SP2: variants seen among roughly 807,000 people sequenced by gnomAD.
The protein encoded by SP2 is transcription factor Sp2.
SP2 carries 9 observed loss-of-function variants against 50.1 expected under a neutral mutation model. The observed-to-expected ratio is 0.18, with a 90% confidence interval of 0.11 to 0.31. The LOEUF is 0.31. SP2 is among the 10% of genes least tolerant of loss of function. The pLI is 1.00. For missense variants in SP2, 581 were observed against 806.5 expected, an observed-to-expected ratio of 0.72 and a Z score of 3.39; for synonymous variants, 313 against 326.6, an observed-to-expected ratio of 0.96 and a Z score of 0.45.
At chr17:47,900,148 G>T (rs1311619993) in intron 1 of SP2, 1 of 152,240 alleles carries the variant, frequency 6.6e-6, no homozygotes, top group Non-Finnish European at 1.5e-5. Context: ...CTCATTCACA[G>T]AGTAAAAATG....
chr17:47,901,970 A>G lies in SP2; in HGVS notation c.7+5677A>G, dbSNP rs536225365. 3.9e-5 allele frequency among the ~76,000 whole-genome samples: 6 copies of G among 152,318 alleles called. No homozygotes were observed. The South Asian group carries it at 1.2e-3, about 32-fold the overall frequency. On this transcript the variant is annotated intron_variant, in intron 1 of 6. Coordinates refer to ENST00000376741, the MANE Select transcript of SP2 (RefSeq NM_003110.6). Reference sequence around the variant, plus strand: ...GAAGCTTACATCTTAGTGGGAGACAATTAATAACTAATAGATATTTGTTAG... The same window carrying G: ...GAAGCTTACATCTTAGTGGGAGACAGTTAATAACTAATAGATATTTGTTAG...
chr17:47,924,479 C>T (rs1207330100), intron 4 of SP2, among the ~76,000 whole-genome samples: 1 of 152,196 alleles, frequency 6.6e-6, no homozygotes, highest in African/African-American at 2.4e-5. Context: ...TTCCTAAAAG[C>T]AGAGTTGGTA....
At chr17:47,921,493 C>T (rs1342795558) in intron 3 of SP2, among the ~76,000 whole-genome samples, 1 of 152,166 alleles carries the variant, frequency 6.6e-6, no homozygotes, top group African/African-American at 2.4e-5. Context: ...CTCAAGTGAT[C>T]CGCCTGCCTT....
chr17:47,897,908 A>G (rs948206060), intron 1 of SP2: 1 of 979,394 alleles, frequency 1.0e-6, no homozygotes, highest in South Asian at 4.7e-5. Flanking sequence ...GAAATGGATT[A>G]TCATTGGCTG....
chr17:47,928,990 T>C, downstream of SP2: 1 of 152,630 alleles, frequency 6.6e-6, no homozygotes, highest in East Asian at 1.9e-4. Context: ...TCTTTTCCCT[T>C]GGAGAGCTCG....
intron 1 of SP2, among the ~76,000 whole-genome samples, chr17:47,902,255 TA>T (rs1296735470): frequency 6.6e-6 from 1 of 152,138 alleles, no homozygotes; most frequent in Non-Finnish European, 1.5e-5. Context: ...CCAGCATGGC[TA>T]AAGCAGTGAG....
At chr17:47,899,526 T>A (rs552634849) in intron 1 of SP2, 1 of 152,164 alleles carries the variant, frequency 6.6e-6, no homozygotes, top group African/African-American at 2.4e-5. Flanking sequence ...TGTCAGGCCA[T>A]GTAGGAAAGG....
intron 1 of SP2, among the ~76,000 whole-genome samples, chr17:47,908,863 A>T (rs1363753199): frequency 2.0e-5 from 3 of 152,054 alleles, no homozygotes; most frequent in Non-Finnish European, 4.4e-5. Context: ...CCATGAATAA[A>T]AATCTTAAAG....
At chr17:47,910,470 G>A (rs930942027) in intron 1 of SP2, among the ~76,000 whole-genome samples, 6 of 152,096 alleles carry the variant, frequency 3.9e-5, no homozygotes, top group Non-Finnish European at 8.8e-5. Flanking sequence ...AAATGGTTTG[G>A]GTTGGCTTAG....
chr17:47,927,707 G>C lies in SP2; in HGVS notation c.1742-17G>C. 1.9e-6 allele frequency: 3 copies of C among 1,540,554 alleles called. No homozygotes were observed. Among genetic ancestry groups the C allele is most frequent in the Non-Finnish European group, 2.6e-6 (3 of 1,132,336 alleles). ...TGTGCACAGGGTCTGTGGGTGATGGGCATCTCCTCTTCCCAGGGGACAAAC... is the reference window on the plus strand; with the variant it reads ...TGTGCACAGGGTCTGTGGGTGATGGCCATCTCCTCTTCCCAGGGGACAAAC... On this transcript the variant is annotated splice_polypyrimidine_tract_variant and intron_variant, in intron 6 of 6. Coordinates refer to ENST00000376741, the MANE Select transcript of SP2 (RefSeq NM_003110.6).
chr17:47,913,999 T>C (rs1395869002), intron 1 of SP2, among the ~76,000 whole-genome samples: 2 of 152,248 alleles, frequency 1.3e-5, no homozygotes, highest in African/African-American at 4.8e-5. Context: ...CAGTTAGTCA[T>C]TAGCTCTACT....
intron 6 of SP2, among the ~76,000 whole-genome samples, chr17:47,926,024 C>T (rs1030212203): frequency 6.9e-6 from 1 of 144,974 alleles, no homozygotes; most frequent in Admixed American, 7.2e-5. Context: ...TCAAGCAATT[C>T]TCCTGCCTCA....
At chr17:47,927,572 C>T in intron 6 of SP2, 152 bp from the exon 7 acceptor site, 1 of 530,248 alleles carries the variant, frequency 1.9e-6, no homozygotes, top group Non-Finnish European at 3.4e-6. Context: ...GAGTAAGCAC[C>T]AGTGAGCAAA....
chr17:47,927,765 A>T lies in SP2; in HGVS notation c.1783A>T (p.Met595Leu). Residue 595 changes from methionine to leucine, a missense_variant, in exon 7 of 7, where the codon ATG becomes TTG. By Grantham distance (15) the Met-to-Leu change is conservative. Transcript: ENST00000376741. Reference protein sequence around the residue: ...FECAQCQKRFMRSDHLTKHYK... With the variant: ...FECAQCQKRFLRSDHLTKHYK... ...GTGCGCCCAGTGTCAGAAGCGCTTC[A>T]TGAGGAGTGACCACCTCACCAAGCA... The T allele has an allele frequency of 1.3e-6, 2 of 1,598,718 alleles. No homozygotes were observed. The highest frequency in any genetic ancestry group is 1.7e-6 in the Non-Finnish European group (2 of 1,172,436).
intron 1 of SP2, among the ~76,000 whole-genome samples, chr17:47,912,442 C>CTTT (rs536634603): frequency 3.8e-4 from 53 of 140,190 alleles, no homozygotes; most frequent in African/African-American, 1.3e-3. Flanking sequence ...TCCACTTCAC[C>CTTT]TTTTTTTTTT....
In SP2 at chr17:47,918,817, C is replaced by G. The variant is rs573725617; in HGVS notation, c.1059+1687C>G. On this transcript the variant is annotated intron_variant, in intron 3 of 6. Transcript: ENST00000376741. The stretch of plus-strand genomic sequence containing the variant: ...TGCAGTCTGTGACCAACTTTGAAGC[C>G]AAATCTAGCCCACCTGCCTGTTTTT... 2.0e-5 allele frequency among the ~76,000 whole-genome samples: 3 copies of G among 152,226 alleles called. No homozygotes were observed. In the East Asian group the frequency reaches 5.8e-4, roughly 29 times the overall value.
rs2035190479 is a variant in SP2 at position 47,916,091 on chromosome 17, T to C, written c.85-65T>C. The C allele has an allele frequency of 7.1e-6, 11 of 1,542,592 alleles. No individual in the cohort carries two copies. Among genetic ancestry groups the C allele is most frequent in the Non-Finnish European group, 9.6e-6 (11 of 1,145,492 alleles). ...GAATGCCGCCAGGAGGAGAGGATCA[T>C]GGACAGAGGCGGCCGGGCAGCGGGC... On this transcript the variant is annotated intron_variant, in intron 2 of 6. Transcript: ENST00000376741. This position sits in a 1 kb window ranked among gnomAD's most constrained non-coding sequence, Gnocchi z 4.7.
chr17:47,900,656 A>G (rs1161135025), intron 1 of SP2, among the ~76,000 whole-genome samples: 1 of 152,208 alleles, frequency 6.6e-6, no homozygotes, highest in African/African-American at 2.4e-5. Flanking sequence ...ACACGCCTGT[A>G]GTCCCAGCTA....
rs375180084 is a variant in SP2 at position 47,925,040 on chromosome 17, G to A, written c.1494G>A (p.Glu498=). 5.6e-6 allele frequency: 9 copies of A among 1,613,986 alleles called. No homozygotes were observed. In the African/African-American group the frequency reaches 8.0e-5, roughly 14 times the overall value. The part of the protein sequence containing the change: ...QALAGETQPG[E]KRRRMACTCP... ...TGGCCGGAGAGACCCAGCCCGGGGA[G>A]AAGCGGCGCCGCATGGCCTGCACGT... Residue 498 remains glutamate (E), a synonymous_variant, in exon 5 of 7, where the codon GAG becomes GAA. Transcript: ENST00000376741.
Sources: gnomAD v4.1 joint callset for allele counts (sites outside exome capture counted in the v4.1 genomes callset) on GRCh38, gnomAD v4.1.1 for gene constraint, Gnocchi (gnomAD v3.1) non-coding constraint, MANE v1.5 for transcripts, NCBI Gene and HGNC (gene_info 2026-07-23, HGNC 2026-07-21) for gene names.